Variants in SLC39A10 observed in about 807,000 individuals in gnomAD.
SLC39A10 encodes the protein solute carrier family 39 member 10, also known as zinc transporter ZIP10.
In SLC39A10, 13 loss-of-function variants were observed where a neutral mutation model predicts 65.1. The observed-to-expected ratio is 0.20, with a 90% confidence interval of 0.13 to 0.32. The LOEUF (loss-of-function observed/expected upper bound fraction) is 0.32, where lower values mean the gene tolerates loss of function less well. Ranked by LOEUF, SLC39A10 falls within the 10% of genes least tolerant of loss-of-function variation. The pLI, the probability that SLC39A10 is intolerant of heterozygous loss-of-function variation, is 1.00. For synonymous variants in SLC39A10, 321 were observed against 342.2 expected, an observed-to-expected ratio of 0.94 and a Z score of 0.68; for missense variants, 831 against 1,018.4, an observed-to-expected ratio of 0.82 and a Z score of 2.50.
chr2:195,662,269 G>A (rs1358224591), intron 1 of SLC39A10, among the ~76,000 whole-genome samples: 2 of 147,716 alleles, frequency 1.4e-5, no homozygotes, highest in South Asian at 2.1e-4. Flanking sequence ...CTACTGTGGT[G>A]TTCCCTTTTT....
At chr2:195,629,649 A>G (rs939029388) in intron 2 of SLC39A10, among the ~76,000 whole-genome samples, 1 of 152,224 alleles carries the variant, frequency 6.6e-6, no homozygotes, top group Non-Finnish European at 1.5e-5. Context: ...AGATTCTTTT[A>G]TCTCAGTATA....
rs753723655 is a variant in SLC39A10, at chr2:195,713,529, T to C, written c.1672T>C (p.Trp558Arg). The C allele has an allele frequency of 6.4e-7, 1 of 1,570,652 alleles. No homozygotes were observed. Among genetic ancestry groups the C allele is most frequent in the South Asian group, 1.2e-5 (1 of 82,110 alleles). Reference sequence around the variant, plus strand: ...GTTAAACAATACACCAGATTCTGACTGGCTTCAACTCAAGCCTCTTGCCGG... The same window carrying C: ...GTTAAACAATACACCAGATTCTGACCGGCTTCAACTCAAGCCTCTTGCCGG... ...HKLNNTPDSDWLQLKPLAGTD... is the reference protein window; with the variant it reads ...HKLNNTPDSDRLQLKPLAGTD... The change falls in exon 6 of 10, where the codon TGG (tryptophan) becomes CGG (arginine). Residue 558 changes from tryptophan to arginine, a missense_variant. Trp to Arg is a moderately radical substitution (Grantham distance 101, BLOSUM62 -3). This residue lies in a region of SLC39A10 where 230 missense variants were observed against 242.9 expected (regional missense o/e 0.95). Coordinates refer to ENST00000359634, the MANE Select transcript of SLC39A10 (RefSeq NM_020342.3).
intron 2 of SLC39A10, among the ~76,000 whole-genome samples, chr2:195,681,449 C>T (rs745430676): frequency 4.6e-5 from 7 of 152,098 alleles, no homozygotes; most frequent in Non-Finnish European, 8.8e-5. Context: ...CACTTGAACC[C>T]GGGAGGCAGA....
chr2:195,682,506 G>A (rs1455089016), intron 2 of SLC39A10, among the ~76,000 whole-genome samples: 2 of 138,654 alleles, frequency 1.4e-5, no homozygotes, highest in East Asian at 4.4e-4. Context: ...TGCCCAGACT[G>A]GTCTCAAACT....
intron 8 of SLC39A10, among the ~76,000 whole-genome samples, chr2:195,727,450 TA>T (rs1252546537): frequency 6.6e-6 from 1 of 152,186 alleles, no homozygotes; most frequent in Non-Finnish European, 1.5e-5. Context: ...TGCATCATTG[TA>T]GAAGCACGGA....
intron 1 of SLC39A10, among the ~76,000 whole-genome samples, chr2:195,660,668 TAG>T (rs1167802728): frequency 6.6e-6 from 1 of 152,170 alleles, no homozygotes; most frequent in East Asian, 1.9e-4. Flanking sequence ...GTTTTCCAAA[TAG>T]GGGTGAATTT....
intron 2 of SLC39A10, among the ~76,000 whole-genome samples, chr2:195,618,450 A>G (rs1388097849): frequency 6.6e-6 from 1 of 152,186 alleles, no homozygotes; most frequent in Non-Finnish European, 1.5e-5. Context: ...AAAGTAAGTC[A>G]TAGAGTACCA....
intron 1 of SLC39A10, among the ~76,000 whole-genome samples, chr2:195,664,507 CATG>C (rs941693052): frequency 4.0e-5 from 6 of 151,868 alleles, no homozygotes; most frequent in East Asian, 3.9e-4. Flanking sequence ...AAAGGGAAAA[CATG>C]ATCAAAATAA....
intron 1 of SLC39A10, among the ~76,000 whole-genome samples, chr2:195,678,656 T>C (rs1185839445): frequency 6.6e-6 from 1 of 151,852 alleles, no homozygotes; most frequent in African/African-American, 2.4e-5. Context: ...TCGAAGGTCT[T>C]AAAATTAGTC....
chr2:195,730,633 A>C (rs56314900), intron 9 of SLC39A10, among the ~76,000 whole-genome samples: 9,312 of 152,246 alleles, frequency 0.061, 393 homozygotes, highest in African/African-American at 0.12. Context: ...AATTTCATCT[A>C]GTTTCATGGC....
At chr2:195,730,275 C>G (rs111616006) in intron 9 of SLC39A10, among the ~76,000 whole-genome samples, 1 of 152,028 alleles carries the variant, frequency 6.6e-6, no homozygotes, top group East Asian at 1.9e-4. Context: ...CAGAACTTGA[C>G]AGTTGGTCAT....
At chr2:195,704,724 G>T (rs551190128) in intron 3 of SLC39A10, among the ~76,000 whole-genome samples, 8 of 151,948 alleles carry the variant, frequency 5.3e-5, no homozygotes, top group African/African-American at 1.7e-4. Flanking sequence ...AGCTCCCCGC[G>T]GTTTGTCATC....
At chr2:195,657,742 G>A in intron 1 of SLC39A10, 1 of 615,252 alleles carries the variant, frequency 1.6e-6, no homozygotes, top group Non-Finnish European at 2.0e-6. Flanking sequence ...GGATCTGTAG[G>A]CAGGTCTTCG....
intron 1 of SLC39A10, chr2:195,674,580 T>A: frequency 1.0e-6 from 1 of 985,358 alleles, no homozygotes; most frequent in Non-Finnish European, 1.2e-6. Flanking sequence ...CCCGGCCTGC[T>A]TTTCTTTATT....
At chr2:195,636,427 A>G (rs1399811545) in intron 2 of SLC39A10, among the ~76,000 whole-genome samples, 2 of 152,218 alleles carry the variant, frequency 1.3e-5, no homozygotes, top group Non-Finnish European at 2.9e-5. Flanking sequence ...TGTGACTCAC[A>G]TAAACAAATG....
intron 3 of SLC39A10, among the ~76,000 whole-genome samples, chr2:195,705,209 G>A (rs1691356236): frequency 6.6e-6 from 1 of 152,224 alleles, no homozygotes; most frequent in African/African-American, 2.4e-5. Flanking sequence ...CAAAATCCTT[G>A]CAAGGATTGA....
At chr2:195,638,944 C>A (rs1308131651) in intron 2 of SLC39A10, among the ~76,000 whole-genome samples, 1 of 142,806 alleles carries the variant, frequency 7.0e-6, no homozygotes, top group Non-Finnish European at 1.5e-5. Flanking sequence ...TTTTTGATGA[C>A]CTTGGCAGTT....
intron 2 of SLC39A10, among the ~76,000 whole-genome samples, chr2:195,647,107 A>G (rs748495201): frequency 2.0e-5 from 3 of 151,960 alleles, no homozygotes; most frequent in Non-Finnish European, 4.4e-5. Flanking sequence ...ATTGAAACTA[A>G]TTTGTTCATT....
intron 3 of SLC39A10, 124 bp from the exon 4 acceptor site, chr2:195,706,492 C>A: frequency 2.3e-6 from 2 of 868,882 alleles, no homozygotes; most frequent in East Asian, 3.0e-5. Context: ...TGCCTTAAAG[C>A]TTTCATAATC....
Sources: allele counts gnomAD v4.1 joint callset (sites outside exome capture counted in the v4.1 genomes callset), GRCh38; gene constraint gnomAD v4.1.1; regional missense constraint gnomAD v4.1.1; transcripts MANE v1.5; gene names NCBI Gene and HGNC (gene_info 2026-07-23, HGNC 2026-07-21).